NPY4R: variants seen among roughly 807,000 people sequenced by gnomAD.
NPY4R encodes the protein neuropeptide Y receptor type 4.
NPY4R carries 2 observed loss-of-function variants against 11.9 expected under a neutral mutation model. The ratio of observed to expected loss-of-function variants is 0.17; its 90% CI spans 0.07 to 0.53. NPY4R has a LOEUF of 0.53. Ranked by LOEUF, NPY4R falls within the 20% of genes least tolerant of loss-of-function variation. The pLI, the probability that NPY4R is intolerant of heterozygous loss-of-function variation, is 0.94. For missense variants in NPY4R, 26 were observed against 280.2 expected, an observed-to-expected ratio of 0.09 and a Z score of 6.48; for synonymous variants, 8 against 121.7, an observed-to-expected ratio of 0.07 and a Z score of 6.15.
intron 1 of NPY4R, among the ~76,000 whole-genome samples, 191 bp from the exon 2 acceptor site, chr10:46,464,076 G>A (rs574014188): frequency 1.6e-3 from 240 of 145,898 alleles, no homozygotes; most frequent in African/African-American, 6.0e-3. Context: ...ATCAACCAGA[G>A]CTCAGTAAAA....
At chr10:46,466,256 TTTCTTTC>T (rs1841039410), upstream of NPY4R, among the ~76,000 whole-genome samples, 3 of 70,656 alleles carry the variant, frequency 4.2e-5, no homozygotes, top group African/African-American at 1.6e-4. Context: ...TCTTTCTTTC[TTTCTTTC>T]CTTTCTTTCT....
chr10:46,466,187 CTTTCTTTCTTTCTTTCTTTCTTT>C (rs1841019201), upstream of NPY4R, among the ~76,000 whole-genome samples: 4 of 9,986 alleles, frequency 4.0e-4, 1 homozygote, highest in Non-Finnish European at 8.8e-4. Context: ...TTCTCTCTTT[CTTTCTTTCTTTCTTTCTTTCTTT>C]CTTTCTTTCT....
upstream of NPY4R, among the ~76,000 whole-genome samples, chr10:46,467,941 G>T (rs1588927960): frequency 9.3e-6 from 1 of 107,370 alleles, no homozygotes; most frequent in African/African-American, 4.0e-5. Context: ...TAGCTCTTGT[G>T]GGTCAGAGAA....
intron 1 of NPY4R, 114 bp from the exon 2 acceptor site, chr10:46,463,999 G>A (rs1446098866): frequency 2.8e-5 from 4 of 143,006 alleles, no homozygotes; most frequent in Non-Finnish European, 3.0e-5. Context: ...CTCATATCAT[G>A]GCCATATGTA....
At chr10:46,466,235 CTTTCTTTCTTTCTTTCTTTCTTTCTTT>C (rs1841031153), upstream of NPY4R, among the ~76,000 whole-genome samples, 1 of 69,242 alleles carries the variant, frequency 1.4e-5, no homozygotes, top group African/African-American at 8.5e-5. Flanking sequence ...TTCTTTCTTT[CTTTCTTTCTTTCTTTCTTTCTTTCTTT>C]CCTTTCTTTC....
At position 46,462,399 on chromosome 10, in the gene NPY4R, A is replaced by G. The variant is rs782323969; in HGVS notation, c.237T>C (p.Leu79=). The G allele has an allele frequency of 1.9e-6, 3 of 1,614,030 alleles. No individual in the cohort carries two copies. The highest frequency in any genetic ancestry group is 2.7e-5 in the African/African-American group (2 of 75,056). Residue 79 remains leucine (L), a synonymous_variant, in exon 3 of 3, where the codon CTT becomes CTC. Transcript: ENST00000374312. ...AGTCAGAGAAGGCCAGGTTGGCGAT[A>G]AGCAGGTTGGTCACGTTGGCTTTCT... ...QKEKANVTNL[L]IANLAFSDFL...
chr10:46,464,109 T>A (rs1275143226), intron 1 of NPY4R, among the ~76,000 whole-genome samples: 2 of 150,354 alleles, frequency 1.3e-5, no homozygotes, highest in African/African-American at 2.5e-5. Flanking sequence ...CTGTCATGAA[T>A]GTCACTTGCT....
At chr10:46,466,250 TC>T (rs1565142492), upstream of NPY4R, among the ~76,000 whole-genome samples, 1 of 66,688 alleles carries the variant, frequency 1.5e-5, no homozygotes, top group African/African-American at 9.0e-5. Context: ...TTTCTTTCTT[TC>T]TTTCTTTCTT....
upstream of NPY4R, among the ~76,000 whole-genome samples, chr10:46,468,269 T>C (rs1841112562): frequency 2.2e-5 from 3 of 139,436 alleles, no homozygotes; most frequent in South Asian, 7.0e-4. Context: ...GCCAGACCCT[T>C]TGCCTCTGCT....
At chr10:46,466,192 T>TTTC (rs1565142206), upstream of NPY4R, among the ~76,000 whole-genome samples, 120 of 20,766 alleles carry the variant, frequency 5.8e-3, 6 homozygotes, top group Admixed American at 9.3e-3. Context: ...TCTTTCTTTC[T>TTTC]TTCTTTCTTT....
upstream of NPY4R, among the ~76,000 whole-genome samples, chr10:46,466,276 CTT>C (rs1565142711): frequency 1.2e-4 from 7 of 56,156 alleles, no homozygotes; most frequent in African/African-American, 5.5e-4. Flanking sequence ...TTCTTTCTTT[CTT>C]TCTTTCTCTC....
chr10:46,462,533 G>A lies in NPY4R; in HGVS notation c.103C>T (p.Gln35Ter). The change falls in exon 3 of 3, where the codon CAG (glutamine) becomes TAG (stop). Residue 35 changes from glutamine (Q) to a stop codon, truncating the protein, a stop_gained. Transcript: ENST00000374312. LOFTEE classifies it high-confidence loss of function. ...GTPYNFSEHC[Q>*]DSVDVMVFIV... ...AAGACCATCACGTCCACGGAATCCT[G>A]GCAATGTTCAGAGAAGTTGTATGGG... 6.2e-7 allele frequency: 1 copy of A among 1,614,150 alleles called. No individual in the cohort carries two copies.
At chr10:46,463,972 T>G (rs1383925947) in intron 1 of NPY4R, 87 bp from the exon 2 acceptor site, 1 of 130,592 alleles carries the variant, frequency 7.7e-6, no homozygotes, top group Non-Finnish European at 1.6e-5. Flanking sequence ...AAACCCTATT[T>G]GAGATATTCT....
At chr10:46,464,498 CG>C (rs1840956836) in intron 1 of NPY4R, among the ~76,000 whole-genome samples, 1 of 107,620 alleles carries the variant, frequency 9.3e-6, no homozygotes, top group Non-Finnish European at 2.0e-5. Flanking sequence ...CTATGGTCTT[CG>C]GGCAAAAAGG....
At chr10:46,466,264 C>CTTTCTT (rs1479897668), upstream of NPY4R, among the ~76,000 whole-genome samples, 5 of 17,404 alleles carry the variant, frequency 2.9e-4, 1 homozygote, top group African/African-American at 9.8e-4. Flanking sequence ...TCTTTCTTTC[C>CTTTCTT]TTTCTTTCTT....
chr10:46,466,256 T>TTCCTTCC (rs1792025494), upstream of NPY4R, among the ~76,000 whole-genome samples: 1 of 70,618 alleles, frequency 1.4e-5, no homozygotes, highest in Non-Finnish European at 2.7e-5. Context: ...TCTTTCTTTC[T>TTCCTTCC]TTCTTTCCTT....
rs2133076653 is a variant in NPY4R, at chr10:46,463,854, A to T, written c.-184T>A. On this transcript the variant is annotated 5_prime_UTR_variant, in exon 2 of 3. Transcript: ENST00000374312. ...CCAGGGCCCTTCCACCAGGAGATGTAGTTAAGTGAATCCAGGATGGGGGCC... is the reference window on the plus strand; with the variant it reads ...CCAGGGCCCTTCCACCAGGAGATGTTGTTAAGTGAATCCAGGATGGGGGCC... 1 of 144,332 alleles carries T rather than the reference A, an allele frequency of 6.9e-6. No homozygotes were observed. The highest frequency in any genetic ancestry group is 2.7e-5 in the African/African-American group (1 of 37,094). The allele number at this position is 144,332 out of a possible 1,614,324, so 8.9% of individuals were successfully genotyped here.
upstream of NPY4R, among the ~76,000 whole-genome samples, chr10:46,466,209 TTC>T (rs1565142324): frequency 3.7e-5 from 2 of 54,186 alleles, no homozygotes; most frequent in African/African-American, 2.4e-4. Flanking sequence ...CTTTCTTTCT[TTC>T]TTTCTTTCTT....
upstream of NPY4R, among the ~76,000 whole-genome samples, chr10:46,466,177 T>C (rs1478768361): frequency 7.5e-5 from 3 of 40,164 alleles, no homozygotes; most frequent in African/African-American, 1.5e-4. Flanking sequence ...TGCGCTGTCT[T>C]TCTCTCTTTC....
Sources: allele counts gnomAD v4.1 joint callset (sites outside exome capture counted in the v4.1 genomes callset), GRCh38; gene constraint gnomAD v4.1.1; transcripts MANE v1.5; gene names NCBI Gene and HGNC (gene_info 2026-07-23, HGNC 2026-07-21).